The following MGST3 variants were observed in gnomAD, a reference collection of about 807,000 sequenced individuals.
MGST3 encodes microsomal glutathione S-transferase 3.
In MGST3, 13 loss-of-function variants were observed where a neutral mutation model predicts 15.8. The ratio of observed to expected loss-of-function variants is 0.82; its 90% CI spans 0.54 to 1.31. MGST3 has a LOEUF of 1.31. Ranked by LOEUF, MGST3 falls within the 50% of genes most tolerant of loss-of-function variation. MGST3 has a pLI of 0.00. For missense variants in MGST3, 155 were observed against 192.4 expected, an observed-to-expected ratio of 0.81 and a Z score of 1.15; for synonymous variants, 49 against 68.1, an observed-to-expected ratio of 0.72 and a Z score of 1.38.
intron 1 of MGST3, among the ~76,000 whole-genome samples, chr1:165,641,848 T>C (rs1227181915): frequency 1.3e-5 from 2 of 152,202 alleles, no homozygotes; most frequent in African/African-American, 4.8e-5. Context: ...AGTAAAAACA[T>C]TTAGGATCTC....
intron 1 of MGST3, among the ~76,000 whole-genome samples, chr1:165,632,527 T>C (rs575252264): frequency 7.9e-5 from 12 of 152,304 alleles, no homozygotes; most frequent in African/African-American, 2.9e-4. Context: ...AACTAACATA[T>C]AAAATAGAAA....
chr1:165,638,720 T>C (rs903473693), intron 1 of MGST3, among the ~76,000 whole-genome samples: 2 of 151,532 alleles, frequency 1.3e-5, no homozygotes, highest in Non-Finnish European at 2.9e-5. Context: ...GAGGTGGAGG[T>C]TGCAGTGAGC....
chr1:165,632,294 G>C (rs1647976738), intron 1 of MGST3: 2 of 1,611,946 alleles, frequency 1.2e-6, no homozygotes, highest in African/African-American at 1.3e-5. Flanking sequence ...GTTGGGCCTA[G>C]GTGTGGTCCT....
intron 1 of MGST3, among the ~76,000 whole-genome samples, chr1:165,641,694 G>C (rs1255119181): frequency 1.3e-5 from 2 of 152,088 alleles, no homozygotes; most frequent in East Asian, 1.9e-4. Flanking sequence ...TCCCTGTTTT[G>C]TAGAGAAATT....
At chr1:165,650,818 T>G (rs1648531523) in intron 2 of MGST3, 196 bp from the exon 3 acceptor site, 1 of 610,192 alleles carries the variant, frequency 1.6e-6, no homozygotes, top group Admixed American at 2.4e-5. Flanking sequence ...TTCCTGGATA[T>G]TTAATAGAAA....
At chr1:165,648,153 G>C (rs1055641747) in intron 1 of MGST3, among the ~76,000 whole-genome samples, 2 of 152,246 alleles carry the variant, frequency 1.3e-5, no homozygotes, top group South Asian at 4.1e-4. Context: ...AAGGAAGCTT[G>C]GAGGGAAGCC....
At chr1:165,633,864 A>G (rs1478192539) in intron 1 of MGST3, among the ~76,000 whole-genome samples, 10 of 152,178 alleles carry the variant, frequency 6.6e-5, no homozygotes, top group Non-Finnish European at 1.5e-4. Flanking sequence ...ATGATATATA[A>G]ATGAAGTGCC....
intron 1 of MGST3, among the ~76,000 whole-genome samples, chr1:165,632,802 C>A (rs1284238565): frequency 6.6e-6 from 1 of 152,016 alleles, no homozygotes; most frequent in Non-Finnish European, 1.5e-5. Flanking sequence ...TGGAAGAGAT[C>A]CTCCTCGCCT....
intron 1 of MGST3, among the ~76,000 whole-genome samples, chr1:165,638,445 C>T (rs528150406): frequency 3.3e-5 from 5 of 152,134 alleles, no homozygotes; most frequent in African/African-American, 1.2e-4. Flanking sequence ...TCCACTCCAG[C>T]CCGGATGACA....
At chr1:165,650,044 G>T in intron 2 of MGST3, 80 bp downstream of exon 2, 2 of 1,596,732 alleles carry the variant, frequency 1.3e-6, no homozygotes, top group South Asian at 2.2e-5. Context: ...TTTCAGCCAT[G>T]GAGGGAGAGG....
At chr1:165,633,414 TACGATTTA>T (rs1400386392) in intron 1 of MGST3, among the ~76,000 whole-genome samples, 1 of 152,262 alleles carries the variant, frequency 6.6e-6, no homozygotes, top group Admixed American at 6.5e-5. Context: ...ACTTGCGTTC[TACGATTTA>T]GTTGCCTTAT....
chr1:165,644,267 A>G (rs1472151672), intron 1 of MGST3, among the ~76,000 whole-genome samples: 1 of 152,152 alleles, frequency 6.6e-6, no homozygotes, highest in African/African-American at 2.4e-5. Context: ...AGACAGTATA[A>G]CCTACTACAC....
chr1:165,632,612 T>C (rs910939769), intron 1 of MGST3, among the ~76,000 whole-genome samples: 2 of 152,166 alleles, frequency 1.3e-5, no homozygotes, highest in Non-Finnish European at 2.9e-5. Flanking sequence ...TAGAAAACTT[T>C]GTCAAGTGAT....
intron 1 of MGST3, among the ~76,000 whole-genome samples, chr1:165,639,096 C>G (rs564818178): frequency 6.6e-6 from 1 of 152,194 alleles, no homozygotes; most frequent in African/African-American, 2.4e-5. Flanking sequence ...AGTATTCCAA[C>G]GATCGTGGAT....
At chr1:165,650,328 A>G (rs975420026) in intron 2 of MGST3, 10 of 319,860 alleles carry the variant, frequency 3.1e-5, no homozygotes, top group Middle Eastern at 1.1e-3. Context: ...ATGATGTCTT[A>G]TGGTGATTTT....
chr1:165,645,262 G>A (rs945147220), intron 1 of MGST3, among the ~76,000 whole-genome samples: 16 of 151,734 alleles, frequency 1.1e-4, no homozygotes, highest in Non-Finnish European at 1.9e-4. Context: ...TACTTTTTAA[G>A]CTTTTTTTGT....
intron 2 of MGST3, 48 bp from the exon 3 acceptor site, chr1:165,650,966 T>C (rs1329522954): frequency 3.9e-6 from 6 of 1,537,132 alleles, no homozygotes; most frequent in Non-Finnish European, 4.5e-6. Context: ...CTTTCAACAC[T>C]GAATGCTCCT....
At chr1:165,632,119 G>A (rs1185046285) in intron 1 of MGST3, 2 of 838,284 alleles carry the variant, frequency 2.4e-6, no homozygotes, top group Non-Finnish European at 3.9e-6. Context: ...GAGTTTACAA[G>A]CTACATAATA....
At chr1:165,652,603 G>T (rs1270553681) in intron 4 of MGST3, among the ~76,000 whole-genome samples, 1 of 152,196 alleles carries the variant, frequency 6.6e-6, no homozygotes, top group East Asian at 1.9e-4. Flanking sequence ...AGGGAGGGGG[G>T]CTTTGCTGAG....
Sources: gnomAD v4.1 joint callset for allele counts (sites outside exome capture counted in the v4.1 genomes callset) on GRCh38, gnomAD v4.1.1 for gene constraint, MANE v1.5 for transcripts, NCBI Gene and HGNC (gene_info 2026-07-23, HGNC 2026-07-21) for gene names.